GRIN2B: variants seen among roughly 807,000 people sequenced by gnomAD.
GRIN2B encodes the protein glutamate receptor ionotropic, NMDA 2B.
Under a neutral mutation model 114.5 loss-of-function variants are expected in GRIN2B, and 5 were observed. The ratio of observed to expected loss-of-function variants is 0.04; its 90% CI spans 0.02 to 0.09. The LOEUF (loss-of-function observed/expected upper bound fraction) is 0.09. Ranked by LOEUF, GRIN2B falls within the 10% of genes least tolerant of loss-of-function variation. The pLI, the probability that GRIN2B is intolerant of heterozygous loss-of-function variation, is 1.00. For missense variants in GRIN2B, 1,108 were observed against 1,943.5 expected (o/e 0.57, Z 8.08); for synonymous variants, 787 against 745.1 (o/e 1.06, Z -0.92).
chr12:13,938,391 A>C (rs886906458), intron 2 of GRIN2B, among the ~76,000 whole-genome samples: 4 of 152,198 alleles, frequency 2.6e-5, no homozygotes, highest in African/African-American at 9.6e-5. Flanking sequence ...TGTACCCTGC[A>C]ACTACATGAT....
At chr12:13,589,302 G>A (rs1328756301) in intron 10 of GRIN2B, among the ~76,000 whole-genome samples, 1 of 152,198 alleles carries the variant, frequency 6.6e-6, no homozygotes, top group African/African-American at 2.4e-5. Context: ...GAGGACAGGA[G>A]CAGGATTTTG....
intron 2 of GRIN2B, among the ~76,000 whole-genome samples, chr12:13,944,209 A>G (rs998689431): frequency 6.6e-6 from 1 of 152,196 alleles, no homozygotes; most frequent in Non-Finnish European, 1.5e-5. Context: ...TTTCCTTCCT[A>G]TAAGTGCCTT....
At chr12:13,887,009 A>G (rs1303010363) in intron 2 of GRIN2B, among the ~76,000 whole-genome samples, 1 of 152,194 alleles carries the variant, frequency 6.6e-6, no homozygotes, top group African/African-American at 2.4e-5. Flanking sequence ...TAACTAACCC[A>G]AGGTTACATG....
chr12:13,762,238 C>T (rs1335488284), intron 3 of GRIN2B, among the ~76,000 whole-genome samples: 2 of 152,138 alleles, frequency 1.3e-5, no homozygotes, highest in East Asian at 1.9e-4. Context: ...CTCCTGACCT[C>T]GTGATCCTCC....
intron 5 of GRIN2B, among the ~76,000 whole-genome samples, chr12:13,618,312 C>T (rs1003530748): frequency 6.6e-6 from 1 of 152,098 alleles, no homozygotes; most frequent in African/African-American, 2.4e-5. Flanking sequence ...GCCTATTTAC[C>T]CTAGTGGCCA....
intron 10 of GRIN2B, among the ~76,000 whole-genome samples, chr12:13,605,370 A>G (rs2136461688): frequency 6.6e-6 from 1 of 152,146 alleles, no homozygotes; most frequent in Non-Finnish European, 1.5e-5. Context: ...TGGGGAAAAA[A>G]GCCTCCCGGG....
chr12:13,897,990 T>TAAATAAATA (rs369484619), intron 2 of GRIN2B, among the ~76,000 whole-genome samples: 1 of 144,630 alleles, frequency 6.9e-6, no homozygotes, highest in Non-Finnish European at 1.5e-5. Flanking sequence ...TAAAGTATAA[T>TAAATAAATA]AATAAATAAA....
At chr12:13,886,643 C>T (rs141209255) in intron 2 of GRIN2B, among the ~76,000 whole-genome samples, 2 of 152,264 alleles carry the variant, frequency 1.3e-5, no homozygotes, top group Non-Finnish European at 2.9e-5. Context: ...GGAAAGGAGA[C>T]AAGGAGAGCA....
At chr12:13,862,459 TA>T (rs1452617500) in intron 3 of GRIN2B, among the ~76,000 whole-genome samples, 2 of 152,138 alleles carry the variant, frequency 1.3e-5, no homozygotes, top group Non-Finnish European at 2.9e-5. Flanking sequence ...GAGAACAAAA[TA>T]GAAGGCTTAT....
At chr12:13,813,648 T>C (rs878897151) in intron 3 of GRIN2B, among the ~76,000 whole-genome samples, 1 of 152,240 alleles carries the variant, frequency 6.6e-6, no homozygotes, top group Non-Finnish European at 1.5e-5. Context: ...GTCAGAAAGA[T>C]GAAGGCGCTT....
chr12:13,570,300 G>A (rs955052140), intron 11 of GRIN2B, among the ~76,000 whole-genome samples: 2 of 152,192 alleles, frequency 1.3e-5, no homozygotes, highest in Non-Finnish European at 2.9e-5. Flanking sequence ...GGAAGAAGGA[G>A]TAAAAAGGGA....
At position 13,615,260 on chromosome 12, in the gene GRIN2B, A is replaced by G. The variant is rs1394138494; in HGVS notation, c.1508T>C (p.Met503Thr). The change falls in exon 8 of 14, where the codon ATG becomes ACG. Residue 503 changes from methionine to threonine, a missense_variant. Transcript: ENST00000609686. This position sits in a 1 kb window ranked among gnomAD's most constrained non-coding sequence, Gnocchi z 5.8. ...TWNGMIGEVV[M>T]KRAYMAVGSL... ...GCCCACTGCCATGTAGGCCCTCTTC[A>G]TGACCACCTAAAAGAAAGGCGCGAT... 1.2e-6 allele frequency: 2 copies of G among 1,614,130 alleles called. No individual in the cohort carries two copies. The highest frequency in any genetic ancestry group is 1.7e-6 in the Non-Finnish European group (2 of 1,179,970).
chr12:13,621,885 C>G (rs1281080705), intron 5 of GRIN2B, among the ~76,000 whole-genome samples: 1 of 152,040 alleles, frequency 6.6e-6, no homozygotes, highest in East Asian at 1.9e-4. Flanking sequence ...AAATTGGCAC[C>G]AATTAGCACC....
Position 13,881,658 on chromosome 12 carries a change from T to A in GRIN2B, c.-18-15432A>T, listed in dbSNP as rs531303412. Among the ~76,000 whole-genome samples the A allele has an allele frequency of 1.2e-4, 19 of 152,370 alleles. No individual in the cohort carries two copies. The South Asian group carries it at 3.9e-3, about 32-fold the overall frequency. On this transcript the variant is annotated intron_variant, in intron 2 of 13. Coordinates refer to ENST00000609686, the MANE Select transcript of GRIN2B (RefSeq NM_000834.5). ...TTCAGGCCTAAGTCAAACCCTGCTA[T>A]TTTCTCTACTTTAGCACCGAATTCT...
chr12:13,547,981 A>ATATTTTTTT lies in GRIN2B; in HGVS notation c.*14801_*14802insAAAAAAATA. The ATATTTTTTT allele has an allele frequency of 7.3e-5, 5 of 68,574 alleles. No homozygotes were observed. The highest frequency in any genetic ancestry group is 1.8e-4 in the African/African-American group (4 of 21,746). The allele number at this position is 68,574 out of a possible 1,614,324, so 4.2% of individuals were successfully genotyped here. On this transcript the variant is annotated 3_prime_UTR_variant, in exon 14 of 14. Transcript: ENST00000609686. ...TGTGTATATATATATATATATATAT[A>ATATTTTTTT]TTTTTTTTTTTTTTCTGAAAGCTAC...
At chr12:13,598,913 G>A (rs1297279682) in intron 10 of GRIN2B, among the ~76,000 whole-genome samples, 1 of 152,160 alleles carries the variant, frequency 6.6e-6, no homozygotes, top group African/African-American at 2.4e-5. Context: ...TTAAAGTGAG[G>A]ACCCGAGGTC....
intron 8 of GRIN2B, among the ~76,000 whole-genome samples, chr12:13,613,652 A>G (rs1416406667): frequency 6.6e-6 from 1 of 152,208 alleles, no homozygotes; most frequent in Non-Finnish European, 1.5e-5. Context: ...TAGAGCTGCC[A>G]GTTATCAGCT....
In GRIN2B at chr12:13,551,490, A is replaced by G. The variant is rs1422643933; in HGVS notation, c.*11293T>C. On this transcript the variant is annotated 3_prime_UTR_variant, in exon 14 of 14. Coordinates refer to ENST00000609686, the MANE Select transcript of GRIN2B (RefSeq NM_000834.5). ...TGCTGCCTTCACATGAAGCCTGAAT[A>G]TTTCTGTCAAACCTTGAGGGATCAA... 6.6e-6 allele frequency: 1 copy of G among 152,176 alleles called. No individual in the cohort carries two copies. The highest frequency in any genetic ancestry group is 1.5e-5 in the Non-Finnish European group (1 of 68,024). 9.4% of individuals were successfully genotyped at this position (152,176 alleles called of 1,614,324 possible).
chr12:13,593,994 G>T (rs1046977026), intron 10 of GRIN2B, among the ~76,000 whole-genome samples: 1 of 152,212 alleles, frequency 6.6e-6, no homozygotes, highest in East Asian at 1.9e-4. Flanking sequence ...ATGCCAGTTA[G>T]AATGGTGATT....
Sources: allele counts gnomAD v4.1 joint callset (sites outside exome capture counted in the v4.1 genomes callset), GRCh38; gene constraint gnomAD v4.1.1; non-coding constraint Gnocchi (gnomAD v3.1); transcripts MANE v1.5; gene names NCBI Gene and HGNC (gene_info 2026-07-23, HGNC 2026-07-21).